LRP12: variants seen among roughly 807,000 people sequenced by gnomAD.
LRP12 encodes the protein low-density lipoprotein receptor-related protein 12.
LRP12 carries 14 observed loss-of-function variants against 66.0 expected under a neutral mutation model. The ratio of observed to expected loss-of-function variants is 0.21; its 90% CI spans 0.14 to 0.33. The LOEUF (loss-of-function observed/expected upper bound fraction) is 0.33. Among genes scored for constraint, LRP12 ranks in the 10% least tolerant of loss-of-function variants. The probability of loss-of-function intolerance (pLI) is 1.00; values close to 1 mark genes in which losing one functional copy is unlikely to be tolerated. For missense variants in LRP12, 889 were observed against 1,053.4 expected, an observed-to-expected ratio of 0.84 and a Z score of 2.16; for synonymous variants, 357 against 359.1, an observed-to-expected ratio of 0.99 and a Z score of 0.07.
intron 1 of LRP12, among the ~76,000 whole-genome samples, chr8:104,542,561 A>G (rs1017772238): frequency 1.3e-5 from 2 of 152,142 alleles, no homozygotes; most frequent in Non-Finnish European, 2.9e-5. Context: ...ACAATTTATA[A>G]TTATACAGTT....
chr8:104,588,326 T>C (rs1304549317), intron 1 of LRP12, among the ~76,000 whole-genome samples: 2 of 152,150 alleles, frequency 1.3e-5, no homozygotes, highest in African/African-American at 4.8e-5. Context: ...GGAAGCCTTT[T>C]CAGGGAATCG....
chr8:104,532,367 G>C (rs1811337010), intron 1 of LRP12, among the ~76,000 whole-genome samples: 1 of 147,470 alleles, frequency 6.8e-6, no homozygotes, highest in South Asian at 2.1e-4. Flanking sequence ...CACATATGTT[G>C]GTACTTAAAA....
intron 1 of LRP12, among the ~76,000 whole-genome samples, chr8:104,577,918 T>C (rs915330385): frequency 1.3e-5 from 2 of 151,938 alleles, no homozygotes; most frequent in African/African-American, 2.4e-5. Context: ...AAGGGAAATT[T>C]ATAGCACTAA....
chr8:104,525,082 G>A (rs1328087945), intron 2 of LRP12, among the ~76,000 whole-genome samples: 1 of 151,998 alleles, frequency 6.6e-6, no homozygotes, highest in Admixed American at 6.6e-5. Context: ...GCGATTAAAA[G>A]AGCCTTCCTA....
At chr8:104,496,717 T>C (rs1810733090) in intron 5 of LRP12, among the ~76,000 whole-genome samples, 2 of 152,188 alleles carry the variant, frequency 1.3e-5, no homozygotes, top group African/African-American at 4.8e-5. Flanking sequence ...ACAATATTCC[T>C]ATAAAACAGA....
intron 1 of LRP12, among the ~76,000 whole-genome samples, chr8:104,578,235 T>TACAA (rs140655594): frequency 0.031 from 4,646 of 151,282 alleles, 233 homozygotes; most frequent in African/African-American, 0.11. Flanking sequence ...CCCACAGAAA[T>TACAA]ACAATCATCA....
chr8:104,588,781 T>G (rs779600408), intron 1 of LRP12, 38 bp downstream of exon 1: 2 of 1,600,518 alleles, frequency 1.2e-6, no homozygotes, highest in African/African-American at 2.7e-5. Context: ...CGCCTCAGCT[T>G]TGTTCGGTCA....
intron 1 of LRP12, among the ~76,000 whole-genome samples, chr8:104,574,156 T>C (rs942148678): frequency 6.6e-6 from 1 of 152,138 alleles, no homozygotes; most frequent in African/African-American, 2.4e-5. Context: ...TCTCAAAAAA[T>C]TTTTGTTTCT....
chr8:104,571,475 T>C (rs987378527), intron 1 of LRP12, among the ~76,000 whole-genome samples: 1 of 152,184 alleles, frequency 6.6e-6, no homozygotes, highest in Non-Finnish European at 1.5e-5. Context: ...GATGTTCTCG[T>C]AATTGTGAGT....
intron 3 of LRP12, 24 bp downstream of exon 3, chr8:104,508,915 A>G (rs1306721700): frequency 6.3e-7 from 1 of 1,583,504 alleles, no homozygotes; most frequent in African/African-American, 1.4e-5. Context: ...TAAATTATAT[A>G]GTAATACAGA....
chr8:104,538,087 C>A (rs982045957), intron 1 of LRP12, among the ~76,000 whole-genome samples: 5 of 152,186 alleles, frequency 3.3e-5, no homozygotes, highest in African/African-American at 9.6e-5. Flanking sequence ...ACATGCCCAA[C>A]CTTGTCAAGG....
intron 2 of LRP12, among the ~76,000 whole-genome samples, chr8:104,510,659 A>C (rs950906468): frequency 1.3e-5 from 2 of 152,222 alleles, no homozygotes; most frequent in African/African-American, 2.4e-5. Flanking sequence ...ATTTTAAAGT[A>C]ACAGCAGATT....
intron 1 of LRP12, among the ~76,000 whole-genome samples, chr8:104,545,187 T>C (rs1181031060): frequency 2.6e-5 from 4 of 152,198 alleles, no homozygotes; most frequent in African/African-American, 7.2e-5. Flanking sequence ...AGCCTGAATA[T>C]GTGACTGAAT....
chr8:104,536,011 T>C (rs533372294), intron 1 of LRP12, among the ~76,000 whole-genome samples: 1 of 152,102 alleles, frequency 6.6e-6, no homozygotes, highest in Non-Finnish European at 1.5e-5. Flanking sequence ...TCTTTTCTAC[T>C]GCTCAGTGAG....
At chr8:104,561,924 C>T (rs1811914451) in intron 1 of LRP12, among the ~76,000 whole-genome samples, 1 of 152,110 alleles carries the variant, frequency 6.6e-6, no homozygotes, top group Admixed American at 6.6e-5. Context: ...ACCCTTGGAT[C>T]CTTTCAGTGA....
chr8:104,491,125 C>A lies in LRP12; in HGVS notation c.2128G>T (p.Asp710Tyr). ...TRGGHADNGR[D>Y]VTSVEPPSVS... Reference sequence around the variant, plus strand: ...CTTGGGGGTTCCACACTTGTCACATCCCTTCCATTATCTGCATGACCACCT... The same window carrying A: ...CTTGGGGGTTCCACACTTGTCACATACCTTCCATTATCTGCATGACCACCT... The change falls in exon 7 of 7, where the codon GAT becomes TAT. Residue 710 changes from aspartate (D) to tyrosine (Y), a missense_variant. This residue lies in a region of LRP12 where 800 missense variants were observed against 964.5 expected (regional missense o/e 0.83). Transcript: ENST00000276654. The A allele has an allele frequency of 6.2e-7, 1 of 1,614,104 alleles. No individual in the cohort carries two copies.
chr8:104,529,573 T>TA (rs1483389409), intron 2 of LRP12, among the ~76,000 whole-genome samples: 1 of 152,222 alleles, frequency 6.6e-6, no homozygotes, highest in Non-Finnish European at 1.5e-5. Flanking sequence ...AAAATAAGTA[T>TA]AATCTAAAAT....
chr8:104,589,072 G>C lies in LRP12; in HGVS notation c.-175C>G, dbSNP rs1248258588. On this transcript the variant is annotated 5_prime_UTR_variant, in exon 1 of 7. Transcript: ENST00000276654. The stretch of plus-strand genomic sequence containing the variant: ...GGAGGGGCCGCCGCCGCCCGCGCGC[G>C]CTCCCTCCTCCCTCCTCCCTCCGGC... The C allele has an allele frequency of 6.7e-6, 2 of 297,750 alleles. No homozygotes were observed. The highest frequency in any genetic ancestry group is 2.2e-5 in the African/African-American group (1 of 44,774). The allele number at this position is 297,750 out of a possible 1,614,324, so 18.4% of individuals were successfully genotyped here.
chr8:104,542,111 A>G (rs1011328237), intron 1 of LRP12, among the ~76,000 whole-genome samples: 1 of 152,102 alleles, frequency 6.6e-6, no homozygotes, highest in Admixed American at 6.5e-5. Flanking sequence ...TTACATTCTG[A>G]TCAGCAACAC....
Sources: allele counts gnomAD v4.1 joint callset (sites outside exome capture counted in the v4.1 genomes callset), GRCh38; gene constraint gnomAD v4.1.1; regional missense constraint gnomAD v4.1.1; transcripts MANE v1.5; gene names NCBI Gene and HGNC (gene_info 2026-07-23, HGNC 2026-07-21).